The following DNAH12 variants were observed in gnomAD, a reference collection of about 807,000 sequenced individuals.
DNAH12 encodes dynein axonemal heavy chain 12, also known as axonemal beta dynein heavy chain 12.
Under a neutral mutation model 371.5 loss-of-function variants are expected in DNAH12, and 285 were observed. The observed-to-expected ratio is 0.77, with a 90% CI of 0.70 to 0.85. The LOEUF (loss-of-function observed/expected upper bound fraction) is 0.85, where lower values mean the gene tolerates loss of function less well. Ranked by LOEUF, DNAH12 falls within the 40% of genes least tolerant of loss-of-function variation. The pLI is 0.00. For synonymous variants in DNAH12, 1,200 were observed against 1,213.0 expected (o/e 0.99, Z 0.22); for missense variants, 3,611 against 3,689.4 (o/e 0.98, Z 0.55).
chr3:57,492,509 T>C (rs560447200), intron 11 of DNAH12, among the ~76,000 whole-genome samples: 1 of 152,092 alleles, frequency 6.6e-6, no homozygotes, highest in East Asian at 1.9e-4. Context: ...TCTGTACAGA[T>C]GTTACAGTTC....
intron 12 of DNAH12, among the ~76,000 whole-genome samples, chr3:57,485,043 G>A (rs1224877164): frequency 6.6e-6 from 1 of 152,152 alleles, no homozygotes; most frequent in African/African-American, 2.4e-5. Context: ...ATAGATGTTG[G>A]CATGGATGTG....
At chr3:57,415,979 G>C (rs1035564580) in intron 37 of DNAH12, among the ~76,000 whole-genome samples, 5 of 151,586 alleles carry the variant, frequency 3.3e-5, no homozygotes, top group Non-Finnish European at 5.9e-5. Context: ...AGTAGAGACG[G>C]GTTTCACCGT....
chr3:57,476,617 G>A (rs1397068381), intron 13 of DNAH12, among the ~76,000 whole-genome samples: 2 of 151,870 alleles, frequency 1.3e-5, no homozygotes, highest in African/African-American at 4.8e-5. Flanking sequence ...AGAAGACAAG[G>A]GATTATGATG....
At chr3:57,424,487 T>C (rs1287154004) in intron 35 of DNAH12, among the ~76,000 whole-genome samples, 2 of 89,632 alleles carry the variant, frequency 2.2e-5, no homozygotes, top group Non-Finnish European at 4.4e-5. Flanking sequence ...AAAAAAAAAA[T>C]TGGATAGTTG....
At chr3:57,317,810 TG>T (rs1342715649) in intron 65 of DNAH12, among the ~76,000 whole-genome samples, 1 of 152,150 alleles carries the variant, frequency 6.6e-6, no homozygotes, top group Non-Finnish European at 1.5e-5. Flanking sequence ...GCTCCAATTT[TG>T]TCCTTGCTAA....
chr3:57,489,466 T>C, intron 12 of DNAH12, 43 bp downstream of exon 12: 1 of 1,455,026 alleles, frequency 6.9e-7, no homozygotes, highest in Non-Finnish European at 9.0e-7. Context: ...AAAATACTTC[T>C]TTTAGCCATA....
intron 60 of DNAH12, among the ~76,000 whole-genome samples, chr3:57,341,680 C>A (rs9826832): frequency 0.36 from 54,861 of 151,734 alleles, 10,847 homozygotes; most frequent in African/African-American, 0.51. Flanking sequence ...TAAAATGACT[C>A]TACTACCCAA....
chr3:57,453,412 T>TAAAA lies in DNAH12; in HGVS notation c.3457-13_3457-10dup. ...TAATACTTCTTTAATCCCTACAAAATAAAAAAAAAAGCAATCTAATTGATG... is the reference window on the plus strand; with the variant it reads ...TAATACTTCTTTAATCCCTACAAAATAAAAAAAAAAAAAAGCAATCTAATTGATG... On this transcript the variant is annotated splice_polypyrimidine_tract_variant and intron_variant, in intron 23 of 73. Coordinates refer to ENST00000495027, the MANE Select transcript of DNAH12 (RefSeq NM_001366028.2). 3 of 1,371,402 alleles carry TAAAA rather than the reference T, an allele frequency of 2.2e-6. No homozygotes were observed. The highest frequency in any genetic ancestry group is 2.8e-5 in the Admixed American group (1 of 35,268). The allele number at this position is 1,371,402 out of a possible 1,614,324, so 85.0% of individuals were successfully genotyped here. A position where few individuals can be genotyped will look rare whatever the true frequency, so the allele number is the denominator to read the frequency against.
Position 57,457,853 on chromosome 3 carries a change from A to C in DNAH12, c.3204T>G (p.Ser1068=), listed in dbSNP as rs1346748079. The C allele has an allele frequency of 1.3e-6, 2 of 1,551,552 alleles. No homozygotes were observed. The highest frequency in any genetic ancestry group is 1.7e-6 in the Non-Finnish European group (2 of 1,146,992). Residue 1068 remains serine, a synonymous_variant, in exon 22 of 74, where the codon TCT becomes TCG. Coordinates refer to ENST00000495027, the MANE Select transcript of DNAH12 (RefSeq NM_001366028.2). ...PNLDIKAMYS[S]EGERVELIAL... ...CAATCAGCTCCACTCGCTCGCCCTC[A>C]GAGCTATACATGGCTTTAATGTCCA...
intron 32 of DNAH12, among the ~76,000 whole-genome samples, chr3:57,431,778 AC>A (rs1204019877): frequency 1.3e-5 from 2 of 152,308 alleles, no homozygotes; most frequent in African/African-American, 4.8e-5. Flanking sequence ...TCTCAGTGCT[AC>A]CCAGAAGTGC....
chr3:57,387,678 C>T (rs1472397446), intron 45 of DNAH12, among the ~76,000 whole-genome samples: 2 of 152,154 alleles, frequency 1.3e-5, no homozygotes, highest in Non-Finnish European at 2.9e-5. Context: ...TGGCCAATGA[C>T]ACATAAGCAG....
At chr3:57,430,850 A>C (rs552638160) in intron 32 of DNAH12, among the ~76,000 whole-genome samples, 18 of 152,322 alleles carry the variant, frequency 1.2e-4, no homozygotes, top group African/African-American at 4.1e-4. Context: ...CTTAGCTGTA[A>C]AATGAATGAT....
intron 58 of DNAH12, among the ~76,000 whole-genome samples, chr3:57,363,164 AC>A (rs1417726266): frequency 6.6e-5 from 10 of 152,152 alleles, no homozygotes; most frequent in African/African-American, 2.4e-4. Context: ...CCTGACAAAA[AC>A]AAGAAATGGG....
chr3:57,457,755 C>T lies in DNAH12; in HGVS notation c.3302G>A (p.Arg1101Gln), dbSNP rs778714312. The change falls in exon 22 of 74, where the codon CGG becomes CAG. Residue 1101 changes from arginine to glutamine, a missense_variant. Coordinates refer to ENST00000495027, the MANE Select transcript of DNAH12 (RefSeq NM_001366028.2). ...TGCAGCGATCACATCGTGAACACTC[C>T]GGAGCATTAGGTCTTCCACTTGAAT... is the stretch of plus-strand genomic sequence containing the variant. ...WLIQVEDLML[R>Q]SVHDVIAAAR... The T allele has an allele frequency of 9.7e-6, 15 of 1,551,398 alleles. No individual in the cohort carries two copies. The highest frequency in any genetic ancestry group is 7.1e-5 in the South Asian group (6 of 84,056).
chr3:57,294,442 T>C (rs1481352112), intron 73 of DNAH12, among the ~76,000 whole-genome samples: 1 of 152,178 alleles, frequency 6.6e-6, no homozygotes, highest in African/African-American at 2.4e-5. Context: ...CCCAAAGTGC[T>C]GGGATTACAG....
chr3:57,431,146 G>GT (rs766222218), intron 32 of DNAH12, among the ~76,000 whole-genome samples: 3 of 152,126 alleles, frequency 2.0e-5, no homozygotes, highest in Non-Finnish European at 2.9e-5. Flanking sequence ...AATTTGAAAG[G>GT]TAGGGTCAGC....
intron 4 of DNAH12, 77 bp downstream of exon 4, chr3:57,523,506 G>A (rs1053097342): frequency 1.7e-6 from 2 of 1,203,112 alleles, no homozygotes; most frequent in Non-Finnish European, 1.2e-6. Context: ...GGACTTAGCA[G>A]GTGGTCTTAG....
chr3:57,552,523 T>C, the DNAH12 span, among the ~76,000 whole-genome samples: 9 of 151,666 alleles, frequency 5.9e-5, no homozygotes, highest in Admixed American at 6.0e-4. Flanking sequence ...TTCATTTGCT[T>C]ATGGAAAGCA....
chr3:57,542,608 C>A, intron 2 of DNAH12, 93 bp downstream of exon 2: 2 of 1,382,018 alleles, frequency 1.4e-6, no homozygotes, highest in Non-Finnish European at 1.9e-6. Context: ...TACCCATGAA[C>A]AACCTCCACA....
Sources: gnomAD v4.1 joint callset for allele counts (sites outside exome capture counted in the v4.1 genomes callset) on GRCh38, gnomAD v4.1.1 for gene constraint, MANE v1.5 for transcripts, NCBI Gene and HGNC (gene_info 2026-07-23, HGNC 2026-07-21) for gene names.